Variants in CDH4 observed in about 807,000 individuals in gnomAD.
CDH4 encodes cadherin-4.
In CDH4, 33 loss-of-function variants were observed where a neutral mutation model predicts 86.0. The ratio of observed to expected loss-of-function variants is 0.38; its 90% CI spans 0.29 to 0.51. The LOEUF is 0.51. Among genes scored for constraint, CDH4 ranks in the 20% least tolerant of loss-of-function variants. The probability of loss-of-function intolerance (pLI) is 0.86; values close to 1 mark genes in which losing one functional copy is unlikely to be tolerated. For missense variants in CDH4, 1,114 were observed against 1,307.4 expected, an observed-to-expected ratio of 0.85 and a Z score of 2.28; for synonymous variants, 555 against 549.4, an observed-to-expected ratio of 1.01 and a Z score of -0.14.
rs566535234 is a variant in CDH4 at position 61,324,989 on chromosome 20, G to A, written c.169+70052G>A. ...GAAGCACTCACAGCCATGCCTGCAG[G>A]GGTCCTGGCTCCTACCCCTTGCAGC... is the stretch of plus-strand genomic sequence containing the variant. On this transcript the variant is annotated intron_variant, in intron 2 of 15. Coordinates refer to ENST00000614565, the MANE Select transcript of CDH4 (RefSeq NM_001794.5). Among the ~76,000 whole-genome samples the A allele has an allele frequency of 7.2e-5, 11 of 152,294 alleles. No individual in the cohort carries two copies. In the East Asian group the frequency reaches 2.1e-3, roughly 29 times the overall value.
At chr20:61,595,750 C>T (rs953836491) in intron 2 of CDH4, among the ~76,000 whole-genome samples, 3 of 152,210 alleles carry the variant, frequency 2.0e-5, no homozygotes, top group Non-Finnish European at 4.4e-5. Flanking sequence ...TGTTGGTACA[C>T]TGCAGAGCTG....
chr20:61,669,846 A>G (rs1421840274), intron 2 of CDH4, among the ~76,000 whole-genome samples: 1 of 152,130 alleles, frequency 6.6e-6, no homozygotes, highest in East Asian at 1.9e-4. Context: ...AATAAATTGT[A>G]TAAATCTATG....
At chr20:61,437,065 A>T (rs1292271188) in intron 2 of CDH4, 2 of 152,318 alleles carry the variant, frequency 1.3e-5, no homozygotes, top group Admixed American at 6.5e-5. Context: ...TGAAGGAGGC[A>T]GTCAGTCAGC....
chr20:61,447,745 G>A (rs577288993), intron 2 of CDH4, among the ~76,000 whole-genome samples: 12 of 151,760 alleles, frequency 7.9e-5, no homozygotes, highest in African/African-American at 2.9e-4. Context: ...CTTGGATGGC[G>A]AGGACGAGAA....
chr20:61,637,947 C>A (rs571420682), intron 2 of CDH4, among the ~76,000 whole-genome samples: 9 of 151,604 alleles, frequency 5.9e-5, no homozygotes, highest in African/African-American at 1.7e-4. Context: ...CTGGAAGGAG[C>A]CCAGAACCAG....
intron 3 of CDH4, 21 bp downstream of exon 3, chr20:61,743,810 T>A (rs758865726): frequency 6.5e-7 from 1 of 1,549,008 alleles, no homozygotes; most frequent in Non-Finnish European, 8.8e-7. Context: ...ACCGCCCGGG[T>A]CTGCGCTGGA....
intron 2 of CDH4, among the ~76,000 whole-genome samples, chr20:61,565,091 C>G (rs75188517): frequency 0.16 from 9,870 of 63,240 alleles, 666 homozygotes; most frequent in East Asian, 0.3. Flanking sequence ...TGGTGGTGCT[C>G]TTGGTGGTGC....
chr20:61,665,384 G>A (rs983142435), intron 2 of CDH4, among the ~76,000 whole-genome samples: 1 of 152,252 alleles, frequency 6.6e-6, no homozygotes, highest in Non-Finnish European at 1.5e-5. Context: ...CCTTTCATCA[G>A]TTAAGCGATG....
intron 2 of CDH4, among the ~76,000 whole-genome samples, chr20:61,500,002 G>A (rs572601013): frequency 7.2e-5 from 11 of 152,274 alleles, no homozygotes; most frequent in Admixed American, 7.2e-4. Context: ...GCTAGGCCAT[G>A]AGAACTATTA....
chr20:61,908,897 C>T (rs546809355), intron 8 of CDH4, among the ~76,000 whole-genome samples: 2 of 152,344 alleles, frequency 1.3e-5, no homozygotes, highest in Non-Finnish European at 2.9e-5. Context: ...GTTCAGGTCA[C>T]CCCAGTGCAA....
chr20:61,844,837 C>T lies in CDH4; in HGVS notation c.732+14C>T. On this transcript the variant is annotated intron_variant, in intron 5 of 15. Transcript: ENST00000614565. ...GCCTCTTACCACGTGAGTGTCCACA[C>T]CCGGCTGAGAATGGGGCCCTGGGGT... is the stretch of plus-strand genomic sequence containing the variant. The T allele has an allele frequency of 1.2e-6, 2 of 1,604,786 alleles. No individual in the cohort carries two copies. Among genetic ancestry groups the T allele is most frequent in the Non-Finnish European group, 1.7e-6 (2 of 1,173,950 alleles).
intron 2 of CDH4, chr20:61,437,151 C>T (rs1234244952): frequency 6.6e-6 from 1 of 152,240 alleles, no homozygotes. Flanking sequence ...TGAAGAGCAG[C>T]AGGAAGGGCT....
chr20:61,452,721 T>C (rs1049269564), intron 2 of CDH4, among the ~76,000 whole-genome samples: 2 of 152,244 alleles, frequency 1.3e-5, no homozygotes, highest in African/African-American at 4.8e-5. Flanking sequence ...ACTTCATCTT[T>C]GTGATGCATT....
chr20:61,333,780 A>C (rs548427625), intron 2 of CDH4, among the ~76,000 whole-genome samples: 1 of 152,310 alleles, frequency 6.6e-6, no homozygotes, highest in South Asian at 2.1e-4. Context: ...GCTCAAAATT[A>C]ACCCCTGGGC....
intron 2 of CDH4, among the ~76,000 whole-genome samples, chr20:61,682,028 C>T (rs2087520506): frequency 6.6e-6 from 1 of 152,236 alleles, no homozygotes; most frequent in Non-Finnish European, 1.5e-5. Context: ...CTAGCAGTTG[C>T]TGTATCCTGC....
intron 2 of CDH4, among the ~76,000 whole-genome samples, chr20:61,333,525 C>T (rs1301296062): frequency 3.3e-5 from 5 of 152,156 alleles, no homozygotes; most frequent in African/African-American, 9.7e-5. Context: ...GGGGTGACTG[C>T]AGTGGCAGGT....
intron 2 of CDH4, among the ~76,000 whole-genome samples, chr20:61,504,357 T>A (rs1306680617): frequency 3.9e-5 from 6 of 152,216 alleles, no homozygotes; most frequent in Non-Finnish European, 7.3e-5. Context: ...GGTTTTTTTC[T>A]CACTGTCTCC....
chr20:61,299,301 G>C (rs1208232919), intron 2 of CDH4, among the ~76,000 whole-genome samples: 1 of 152,150 alleles, frequency 6.6e-6, no homozygotes. Context: ...GCCCCAGATG[G>C]TGAGGGCTCC....
At chr20:61,865,474 G>A (rs1428345967) in intron 6 of CDH4, among the ~76,000 whole-genome samples, 1 of 152,084 alleles carries the variant, frequency 6.6e-6, no homozygotes, top group East Asian at 1.9e-4. Context: ...ACTGGTTAGT[G>A]TAGATGATAC....
Sources: allele counts gnomAD v4.1 joint callset (sites outside exome capture counted in the v4.1 genomes callset), GRCh38; gene constraint gnomAD v4.1.1; transcripts MANE v1.5; gene names NCBI Gene and HGNC (gene_info 2026-07-23, HGNC 2026-07-21).